Variants in APOBEC1 observed in about 807,000 individuals in gnomAD.
APOBEC1 encodes C->U-editing enzyme APOBEC-1.
APOBEC1 carries 22 observed loss-of-function variants against 26.3 expected under a neutral mutation model. The observed-to-expected ratio is 0.84, with a 90% confidence interval of 0.60 to 1.19. The LOEUF is 1.19. Ranked by LOEUF, APOBEC1 falls within the 50% of genes most tolerant of loss-of-function variation. APOBEC1 has a pLI of 0.00. For missense variants in APOBEC1, 253 were observed against 289.0 expected (o/e 0.88, Z 0.90); for synonymous variants, 77 against 95.3 (o/e 0.81, Z 1.12).
Position 7,652,769 on chromosome 12 carries a change from A to G in APOBEC1, c.111T>C (p.Cys37=), listed in dbSNP as rs1327389800. 2.5e-6 allele frequency: 4 copies of G among 1,613,836 alleles called. No homozygotes were observed. In the Admixed American group the frequency reaches 5.0e-5, roughly 20 times the overall value. ...TGCCCCACTTGATTTCGTAGAGCAG[A>G]CAGGCCTCTTTACGAAGTTCTCTGG... ...YDPRELRKEA[C]LLYEIKWGMS... Residue 37 remains cysteine (C), a synonymous_variant, in exon 3 of 5, where the codon TGT becomes TGC. Transcript: ENST00000229304.
At chr12:7,654,974 C>T (rs1048410928) in intron 1 of APOBEC1, among the ~76,000 whole-genome samples, 1 of 150,568 alleles carries the variant, frequency 6.6e-6, no homozygotes, top group African/African-American at 2.4e-5. Flanking sequence ...TTTGGGAGAC[C>T]GAGGCAGGTG....
intron 3 of APOBEC1, among the ~76,000 whole-genome samples, chr12:7,651,965 C>T (rs11055029): frequency 0.44 from 66,122 of 151,012 alleles, 16,512 homozygotes; most frequent in Non-Finnish European, 0.58. Context: ...GGACTACAGG[C>T]GCCCGCCACC....
chr12:7,664,532 C>T (rs61937014), intron 1 of APOBEC1, among the ~76,000 whole-genome samples: 1,553 of 152,276 alleles, frequency 0.01, 13 homozygotes, highest in Non-Finnish European at 0.016. Context: ...TCATTATATT[C>T]CAGACACAAG....
intron 1 of APOBEC1, among the ~76,000 whole-genome samples, chr12:7,663,870 T>TC (rs1305055615): frequency 2.7e-5 from 4 of 149,490 alleles, no homozygotes; most frequent in Non-Finnish European, 4.5e-5. Flanking sequence ...TTTTTTTTTT[T>TC]CCCGAGATGG....
chr12:7,663,174 G>A (rs1863844117), intron 1 of APOBEC1, among the ~76,000 whole-genome samples: 1 of 152,096 alleles, frequency 6.6e-6, no homozygotes, highest in African/African-American at 2.4e-5. Context: ...CACAGGCTCT[G>A]GAAGACACTT....
chr12:7,650,887 G>A, intron 4 of APOBEC1, 136 bp downstream of exon 4: 1 of 699,080 alleles, frequency 1.4e-6, no homozygotes, highest in East Asian at 2.5e-5. Flanking sequence ...ATTTTCTTAA[G>A]AGGAGCTAGC....
At chr12:7,659,682 AC>A (rs1295933263) in intron 1 of APOBEC1, among the ~76,000 whole-genome samples, 6 of 152,116 alleles carry the variant, frequency 3.9e-5, no homozygotes, top group Admixed American at 3.9e-4. Flanking sequence ...TAAAAATGCA[AC>A]TACTGGCCAG....
Position 7,652,801 on chromosome 12 carries a change from A to G in APOBEC1, c.79T>C (p.Tyr27His), listed in dbSNP as rs1350528297. ...TCTTTACGAAGTTCTCTGGGGTCAT[A>G]GAAGACGTCAAACTCCCAGGGTTCG... Reference protein sequence around the residue: ...RIEPWEFDVFYDPRELRKEAC... With the variant: ...RIEPWEFDVFHDPRELRKEAC... Residue 27 changes from tyrosine to histidine, a missense_variant, in exon 3 of 5, where the codon TAT becomes CAT. Physicochemically the swap from Tyr to His is moderately conservative, Grantham distance 83. Coordinates refer to ENST00000229304, the MANE Select transcript of APOBEC1 (RefSeq NM_001644.5). 9.4e-6 allele frequency: 15 copies of G among 1,603,716 alleles called. No individual in the cohort carries two copies. The highest frequency in any genetic ancestry group is 1.2e-5 in the Non-Finnish European group (14 of 1,174,772).
intron 2 of APOBEC1, 69 bp downstream of exon 2, chr12:7,654,536 T>G: frequency 2.0e-6 from 3 of 1,500,760 alleles, no homozygotes; most frequent in East Asian, 4.5e-5. Context: ...TGTGCCACCA[T>G]GCACAGCTCT....
At chr12:7,669,023 T>C (rs747216510), upstream of APOBEC1, among the ~76,000 whole-genome samples, 14 of 151,944 alleles carry the variant, frequency 9.2e-5, no homozygotes, top group Admixed American at 2.0e-4. Context: ...TGAGCCACCA[T>C]GCCTGGCCAG....
chr12:7,668,695 T>C (rs1863921153), upstream of APOBEC1, among the ~76,000 whole-genome samples: 1 of 152,098 alleles, frequency 6.6e-6, no homozygotes, highest in Non-Finnish European at 1.5e-5. Flanking sequence ...CCAGTCAAGA[T>C]ATTTAAAATT....
intron 1 of APOBEC1, among the ~76,000 whole-genome samples, chr12:7,663,068 C>A (rs758379473): frequency 6.6e-6 from 1 of 152,132 alleles, no homozygotes; most frequent in South Asian, 2.1e-4. Context: ...AGGCCTGAAC[C>A]TCTAAGGGTG....
At chr12:7,660,375 G>GGAAGGAAGGAAAGAAAGAAA (rs61183510) in intron 1 of APOBEC1, among the ~76,000 whole-genome samples, 18 of 23,964 alleles carry the variant, frequency 7.5e-4, no homozygotes, top group African/African-American at 1.9e-3. Context: ...AAGGAAGGAA[G>GGAAGGAAGGAAAGAAAGAAA]GAAAGAAAGA....
intron 1 of APOBEC1, among the ~76,000 whole-genome samples, chr12:7,660,375 G>GGAAGGACAGAAAGAAAGAAA (rs61183510): frequency 8.4e-5 from 2 of 23,950 alleles, no homozygotes; most frequent in African/African-American, 2.5e-4. Context: ...AAGGAAGGAA[G>GGAAGGACAGAAAGAAAGAAA]GAAAGAAAGA....
chr12:7,664,767 G>T (rs1245006653), intron 1 of APOBEC1, among the ~76,000 whole-genome samples: 1 of 151,616 alleles, frequency 6.6e-6, no homozygotes, highest in East Asian at 1.9e-4. Context: ...AATTAGCAGG[G>T]CTGGTGGCCC....
At chr12:7,657,300 G>A (rs1432271319) in intron 1 of APOBEC1, among the ~76,000 whole-genome samples, 1 of 152,152 alleles carries the variant, frequency 6.6e-6, no homozygotes, top group Non-Finnish European at 1.5e-5. Flanking sequence ...AGTTGAGCCA[G>A]TCCTTGGAAT....
At chr12:7,669,078 T>C (rs558730277), upstream of APOBEC1, among the ~76,000 whole-genome samples, 19 of 152,278 alleles carry the variant, frequency 1.2e-4, no homozygotes, top group African/African-American at 4.3e-4. Context: ...CTACTCCTAG[T>C]CCCAGGCAAA....
At chr12:7,661,500 GA>G (rs1863819779) in intron 1 of APOBEC1, among the ~76,000 whole-genome samples, 1 of 4,790 alleles carries the variant, frequency 2.1e-4, no homozygotes, top group Non-Finnish European at 5.0e-4. Flanking sequence ...TAGATAGATA[GA>G]TAGATAGATA....
chr12:7,659,982 A>C (rs1255679378), intron 1 of APOBEC1, among the ~76,000 whole-genome samples: 2 of 151,794 alleles, frequency 1.3e-5, no homozygotes, highest in African/African-American at 4.8e-5. Context: ...AAAATAAATA[A>C]ATAAAATAAA....
Sources: gnomAD v4.1 joint callset for allele counts (sites outside exome capture counted in the v4.1 genomes callset) on GRCh38, gnomAD v4.1.1 for gene constraint, MANE v1.5 for transcripts, NCBI Gene and HGNC (gene_info 2026-07-23, HGNC 2026-07-21) for gene names.